SUSD6: variants seen among roughly 807,000 people sequenced by gnomAD.
The protein encoded by SUSD6 is sushi domain containing 6.
In SUSD6, 16 loss-of-function variants were observed where a neutral mutation model predicts 28.4. The ratio of observed to expected loss-of-function variants is 0.56; its 90% CI spans 0.38 to 0.86. The LOEUF (loss-of-function observed/expected upper bound fraction) is 0.86. Ranked by LOEUF, SUSD6 falls within the 40% of genes least tolerant of loss-of-function variation. The pLI, the probability that SUSD6 is intolerant of heterozygous loss-of-function variation, is 0.00. For missense variants in SUSD6, 341 were observed against 384.2 expected, an observed-to-expected ratio of 0.89 and a Z score of 0.94; for synonymous variants, 147 against 159.6, an observed-to-expected ratio of 0.92 and a Z score of 0.59.
chr14:69,707,512 T>G (rs969664133), intron 4 of SUSD6, among the ~76,000 whole-genome samples: 4 of 152,130 alleles, frequency 2.6e-5, no homozygotes, highest in Non-Finnish European at 2.9e-5. Context: ...CTGTAATCCT[T>G]TGGGAGGAGG....
chr14:69,692,053 AAAAG>A (rs1886161925), intron 2 of SUSD6, among the ~76,000 whole-genome samples: 1 of 152,012 alleles, frequency 6.6e-6, no homozygotes, highest in Non-Finnish European at 1.5e-5. Context: ...AAAAAAAAAA[AAAAG>A]AAGTCATGTG....
At chr14:69,650,883 G>T (rs1364900503) in intron 1 of SUSD6, among the ~76,000 whole-genome samples, 2 of 152,202 alleles carry the variant, frequency 1.3e-5, no homozygotes, top group East Asian at 3.8e-4. Context: ...ACTGTCCTGG[G>T]TTTGCTGCAA....
chr14:69,688,828 A>G (rs761451289), intron 2 of SUSD6, among the ~76,000 whole-genome samples: 21 of 152,208 alleles, frequency 1.4e-4, no homozygotes, highest in Non-Finnish European at 2.9e-4. Flanking sequence ...TTTATTATGA[A>G]TAACATGGCT....
chr14:69,671,316 G>A (rs535195084), intron 2 of SUSD6, among the ~76,000 whole-genome samples: 1 of 152,348 alleles, frequency 6.6e-6, no homozygotes, highest in East Asian at 1.9e-4. Flanking sequence ...GAGGATTGGG[G>A]ATGAGAAGAA....
intron 2 of SUSD6, among the ~76,000 whole-genome samples, chr14:69,676,402 A>T (rs904022242): frequency 2.7e-5 from 4 of 146,722 alleles, no homozygotes; most frequent in African/African-American, 1.1e-4. Context: ...CCTTTTTGAG[A>T]CAGGTTCTTG....
chr14:69,667,596 G>A (rs1185416607), intron 2 of SUSD6, among the ~76,000 whole-genome samples: 3 of 151,542 alleles, frequency 2.0e-5, no homozygotes, highest in South Asian at 4.2e-4. Context: ...TGTTAGCCAG[G>A]ATGGTCTCCA....
intron 1 of SUSD6, among the ~76,000 whole-genome samples, chr14:69,643,464 GC>G (rs1885382633): frequency 6.6e-6 from 1 of 152,208 alleles, no homozygotes; most frequent in Admixed American, 6.5e-5. Flanking sequence ...ATATTCTAAT[GC>G]TGCACCTTCT....
chr14:69,636,059 G>A (rs1241290329), intron 1 of SUSD6, among the ~76,000 whole-genome samples: 4 of 152,268 alleles, frequency 2.6e-5, no homozygotes, highest in African/African-American at 9.6e-5. Flanking sequence ...GCTAGTGGGT[G>A]TGGACATGCA....
chr14:69,655,866 C>T (rs1182537803), intron 1 of SUSD6, among the ~76,000 whole-genome samples: 1 of 152,076 alleles, frequency 6.6e-6, no homozygotes, highest in Admixed American at 6.6e-5. Context: ...CACTGCTCTT[C>T]CCTTGCCTGT....
In SUSD6 at chr14:69,712,568, A is replaced by G. The variant is rs1264228959; in HGVS notation, c.*1589A>G. On this transcript the variant is annotated 3_prime_UTR_variant, in exon 6 of 6. Coordinates refer to ENST00000342745, the MANE Select transcript of SUSD6 (RefSeq NM_014734.4). ...CTGAGCCTGTCTGCTTGGGGGTGGT[A>G]AAAATAAAAATCCCAGTTTATTTTC... The G allele has an allele frequency of 2.0e-5, 3 of 152,092 alleles. No homozygotes were observed. Among genetic ancestry groups the G allele is most frequent in the Admixed American group, 1.3e-4 (2 of 15,274 alleles). The allele number at this position is 152,092 out of a possible 1,614,324, so 9.4% of individuals were successfully genotyped here.
At chr14:69,660,633 C>T (rs1885648816) in intron 2 of SUSD6, among the ~76,000 whole-genome samples, 1 of 152,236 alleles carries the variant, frequency 6.6e-6, no homozygotes, top group African/African-American at 2.4e-5. Context: ...GTCTTTAGAG[C>T]AGAAGTTGGC....
At chr14:69,631,497 T>C (rs1467050472) in intron 1 of SUSD6, among the ~76,000 whole-genome samples, 1 of 152,212 alleles carries the variant, frequency 6.6e-6, no homozygotes, top group Non-Finnish European at 1.5e-5. Context: ...TTCTGTTTTT[T>C]GTTTTGTTTT....
intron 2 of SUSD6, among the ~76,000 whole-genome samples, chr14:69,695,542 G>A (rs1401362778): frequency 6.6e-6 from 1 of 152,206 alleles, no homozygotes; most frequent in East Asian, 1.9e-4. Context: ...TCTACGGGCA[G>A]TACCCAGTTT....
chr14:69,680,718 C>T (rs1885986070), intron 2 of SUSD6, among the ~76,000 whole-genome samples: 1 of 152,120 alleles, frequency 6.6e-6, no homozygotes, highest in Admixed American at 6.5e-5. Context: ...GTGGTATGTG[C>T]CCCCAAAGCC....
rs1566586004 is a variant in SUSD6, at chr14:69,611,765, G to C, written c.-144G>C. On this transcript the variant is annotated 5_prime_UTR_variant, in exon 1 of 6. Coordinates refer to ENST00000342745, the MANE Select transcript of SUSD6 (RefSeq NM_014734.4). ...GCCTAGACCCGAGAAGACTGCGGGC[G>C]CGCGCAAGCGGCGGCGTGGAAGCTG... 1 of 151,270 alleles carries C rather than the reference G, an allele frequency of 6.6e-6. No homozygotes were observed. Among genetic ancestry groups the C allele is most frequent in the African/African-American group, 2.4e-5 (1 of 41,358 alleles). 9.4% of individuals were successfully genotyped at this position (151,270 alleles called of 1,614,324 possible).
chr14:69,689,561 G>C (rs1373664741), intron 2 of SUSD6, among the ~76,000 whole-genome samples: 2 of 152,196 alleles, frequency 1.3e-5, no homozygotes, highest in African/African-American at 2.4e-5. Context: ...ATTTCTAGCA[G>C]CAGCCTAACA....
chr14:69,625,901 T>C (rs142451870), intron 1 of SUSD6, among the ~76,000 whole-genome samples: 64 of 152,316 alleles, frequency 4.2e-4, no homozygotes, highest in Middle Eastern at 3.4e-3. Context: ...CTCTCCCGCT[T>C]TCAACCTGGA....
At chr14:69,646,989 C>T (rs1229035458) in intron 1 of SUSD6, among the ~76,000 whole-genome samples, 2 of 152,234 alleles carry the variant, frequency 1.3e-5, no homozygotes, top group African/African-American at 4.8e-5. Context: ...GCATGAGCCA[C>T]AGTGCCCAGC....
intron 1 of SUSD6, among the ~76,000 whole-genome samples, chr14:69,618,250 A>C (rs1224861680): frequency 5.3e-5 from 8 of 152,210 alleles, no homozygotes; most frequent in Non-Finnish European, 8.8e-5. Flanking sequence ...AACTACCTTC[A>C]GTCTATGTGT....
Sources: gnomAD v4.1 joint callset for allele counts (sites outside exome capture counted in the v4.1 genomes callset) on GRCh38, gnomAD v4.1.1 for gene constraint, MANE v1.5 for transcripts, NCBI Gene and HGNC (gene_info 2026-07-23, HGNC 2026-07-21) for gene names.